Variants in DOCK5 observed in about 807,000 individuals in gnomAD.
DOCK5 encodes dedicator of cytokinesis protein 5.
DOCK5 carries 142 observed loss-of-function variants against 251.8 expected under a neutral mutation model. That is an observed-to-expected ratio of 0.56 (90% CI 0.49 to 0.65). The LOEUF (loss-of-function observed/expected upper bound fraction) is 0.65, where lower values mean the gene tolerates loss of function less well. Among genes scored for constraint, DOCK5 ranks in the 30% least tolerant of loss-of-function variants. DOCK5 has a pLI of 0.00. For synonymous variants in DOCK5, 842 were observed against 835.5 expected (o/e 1.01, Z -0.13); for missense variants, 2,111 against 2,312.3 (o/e 0.91, Z 1.79).
intron 42 of DOCK5, 38 bp downstream of exon 42, chr8:25,390,325 G>C (rs773813972): frequency 1.4e-6 from 2 of 1,429,008 alleles, no homozygotes; most frequent in Non-Finnish European, 1.9e-6. Context: ...AAAAATCTGT[G>C]TCTAGGCACA....
At chr8:25,354,556 G>A (rs1332375089) in intron 27 of DOCK5, among the ~76,000 whole-genome samples, 2 of 152,182 alleles carry the variant, frequency 1.3e-5, no homozygotes, top group Non-Finnish European at 2.9e-5. Context: ...CATGAAATGA[G>A]AGTGGGAATG....
intron 2 of DOCK5, among the ~76,000 whole-genome samples, chr8:25,261,793 A>T (rs1173009918): frequency 6.6e-6 from 1 of 152,120 alleles, no homozygotes; most frequent in Admixed American, 6.5e-5. Flanking sequence ...ACAGCCACCG[A>T]TCTGGTTTAG....
intron 3 of DOCK5, among the ~76,000 whole-genome samples, chr8:25,272,593 A>T (rs1762183187): frequency 6.6e-6 from 1 of 152,146 alleles, no homozygotes; most frequent in African/African-American, 2.4e-5. Flanking sequence ...TTTACTTTTG[A>T]CTTCCAGAAT....
intron 27 of DOCK5, among the ~76,000 whole-genome samples, chr8:25,354,462 C>T (rs1215439952): frequency 6.6e-6 from 1 of 152,176 alleles, no homozygotes; most frequent in Non-Finnish European, 1.5e-5. Context: ...TTTAAACTCA[C>T]TCAAGGACAT....
At chr8:25,252,636 C>T (rs946931642) in intron 2 of DOCK5, among the ~76,000 whole-genome samples, 4 of 152,226 alleles carry the variant, frequency 2.6e-5, no homozygotes, top group Admixed American at 6.5e-5. Flanking sequence ...TGAGCTACTA[C>T]TGCTGGTGAC....
intron 11 of DOCK5, 135 bp from the exon 12 acceptor site, chr8:25,308,648 G>A: frequency 3.3e-6 from 3 of 911,570 alleles, no homozygotes; most frequent in South Asian, 4.7e-5. Flanking sequence ...AAAAATAAAG[G>A]AAAGATAGAA....
rs1801265440 is a variant in DOCK5, at chr8:25,391,880, C to G, written c.4356-16C>G. The G allele has an allele frequency of 1.2e-6, 2 of 1,612,418 alleles. No individual in the cohort carries two copies. Among genetic ancestry groups the G allele is most frequent in the Middle Eastern group, 1.6e-4 (1 of 6,062 alleles). On this transcript the variant is annotated splice_polypyrimidine_tract_variant and intron_variant, in intron 42 of 51. Transcript: ENST00000276440. The stretch of plus-strand genomic sequence containing the variant: ...TCTAAGAGAGAAAAATACAGCATTG[C>G]TTTGTCCTTCTCCAGCTACTACAGA...
chr8:25,237,008 T>A (rs1487755113), intron 1 of DOCK5, among the ~76,000 whole-genome samples: 2 of 152,164 alleles, frequency 1.3e-5, no homozygotes, highest in Non-Finnish European at 1.5e-5. Context: ...ATAAAAAATA[T>A]AATGTAGCTA....
At chr8:25,390,845 C>T (rs544024346) in intron 42 of DOCK5, among the ~76,000 whole-genome samples, 2 of 151,822 alleles carry the variant, frequency 1.3e-5, no homozygotes, top group African/African-American at 2.4e-5. Context: ...AATCTTGCTC[C>T]GTCACCCAGG....
At chr8:25,352,117 G>A (rs1249565354) in intron 27 of DOCK5, among the ~76,000 whole-genome samples, 1 of 151,812 alleles carries the variant, frequency 6.6e-6, no homozygotes, top group African/African-American at 2.4e-5. Flanking sequence ...GGAGGCTAAG[G>A]TGGGAGGATC....
intron 26 of DOCK5, among the ~76,000 whole-genome samples, chr8:25,346,191 G>T (rs972058612): frequency 3.9e-5 from 6 of 152,078 alleles, no homozygotes; most frequent in Non-Finnish European, 8.8e-5. Context: ...ACTGGGCATG[G>T]TGGCTCAGGC....
At chr8:25,351,085 T>C (rs1800458559) in intron 26 of DOCK5, among the ~76,000 whole-genome samples, 1 of 151,870 alleles carries the variant, frequency 6.6e-6, no homozygotes, top group African/African-American at 2.4e-5. Flanking sequence ...TGAGATGGAG[T>C]CTGGCTCTGT....
chr8:25,210,485 G>A (rs1802108956), intron 1 of DOCK5, among the ~76,000 whole-genome samples: 1 of 68,916 alleles, frequency 1.5e-5, no homozygotes, highest in Admixed American at 1.6e-4. Context: ...GATTGGGACC[G>A]GGCGCTGTGG....
At chr8:25,235,529 A>G (rs922803229) in intron 1 of DOCK5, among the ~76,000 whole-genome samples, 13 of 152,160 alleles carry the variant, frequency 8.5e-5, no homozygotes, top group Non-Finnish European at 1.8e-4. Flanking sequence ...AAATGCTGGG[A>G]TTACAGGCGT....
In DOCK5 at chr8:25,324,029, A is replaced by G. The variant is rs145185996; in HGVS notation, c.1719+78A>G. On this transcript the variant is annotated intron_variant, in intron 17 of 51. Coordinates refer to ENST00000276440, the MANE Select transcript of DOCK5 (RefSeq NM_024940.8). Reference sequence around the variant, plus strand: ...TAAGACTCCTTTCATATTTATTTGTACAAACATCAGAAACCTTTCTAGAGC... The same window carrying G: ...TAAGACTCCTTTCATATTTATTTGTGCAAACATCAGAAACCTTTCTAGAGC... The G allele has an allele frequency of 1.2e-4, 172 of 1,422,652 alleles. No individual in the cohort carries two copies. In the African/African-American group the frequency reaches 2.2e-3, roughly 19 times the overall value. The allele number at this position is 1,422,652 out of a possible 1,614,324, so 88.1% of individuals were successfully genotyped here.
At chr8:25,388,867 T>G (rs1801208318) in intron 40 of DOCK5, 1 of 518,408 alleles carries the variant, frequency 1.9e-6, no homozygotes, top group South Asian at 2.4e-5. Context: ...GAAGAAGAAC[T>G]GGGCTAAGTA....
rs544179640 is a variant in DOCK5, at chr8:25,199,342, T to TA, written c.43+14393dup. 2.4e-3 allele frequency among the ~76,000 whole-genome samples: 366 copies of TA among 151,500 alleles called. 2 individuals are homozygous for TA. Among genetic ancestry groups the TA allele is most frequent in the African/African-American group, 8.1e-3 (336 of 41,282 alleles). On this transcript the variant is annotated intron_variant, in intron 1 of 51. Coordinates refer to ENST00000276440, the MANE Select transcript of DOCK5 (RefSeq NM_024940.8). ...AAGACTTAGGAAAAGTTTGAGTGAG[T>TA]AAGCGCCTTCTCCCTCAGCTTCCAT...
rs575372696 is a variant in DOCK5, at chr8:25,194,251, G to A, written c.43+9300G>A. ...GGAGGTTGCAGTGAGCCAAGATCAC[G>A]CCACTACACTCCAGCCTGGGTAACA... On this transcript the variant is annotated intron_variant, in intron 1 of 51. Transcript: ENST00000276440. 1.7e-3 allele frequency among the ~76,000 whole-genome samples: 263 copies of A among 152,154 alleles called. 2 individuals carry two copies. The highest frequency in any genetic ancestry group is 6.2e-3 in the African/African-American group (257 of 41,520).
At chr8:25,310,608 T>G (rs1805064573) in intron 13 of DOCK5, 76 bp downstream of exon 13, 2 of 1,479,710 alleles carry the variant, frequency 1.4e-6, no homozygotes, top group African/African-American at 1.4e-5. Context: ...TGGAGGCAAC[T>G]TGGATCCAGA....
Sources: allele counts gnomAD v4.1 joint callset (sites outside exome capture counted in the v4.1 genomes callset), GRCh38; gene constraint gnomAD v4.1.1; transcripts MANE v1.5; gene names NCBI Gene and HGNC (gene_info 2026-07-23, HGNC 2026-07-21).